Variants in SCHIP1 observed in about 807,000 individuals in gnomAD.
The protein encoded by SCHIP1 is schwannomin interacting protein 1, also known as schwannomin-interacting protein 1.
SCHIP1 carries 8 observed loss-of-function variants against 29.7 expected under a neutral mutation model. The observed-to-expected ratio is 0.27, with a 90% CI of 0.16 to 0.49. SCHIP1 has a LOEUF of 0.49. Among genes scored for constraint, SCHIP1 ranks in the 20% least tolerant of loss-of-function variants. SCHIP1 has a pLI of 0.99. For missense variants in SCHIP1, 193 were observed against 294.6 expected (o/e 0.66, Z 2.52); for synonymous variants, 76 against 94.9 (o/e 0.80, Z 1.16).
intron 3 of SCHIP1, chr3:159,887,460 A>G: frequency 2.3e-6 from 1 of 438,398 alleles, no homozygotes; most frequent in Non-Finnish European, 4.1e-6. Flanking sequence ...TCAAAGACAT[A>G]TTTCAAGGTT....
chr3:159,665,962 C>T, the SCHIP1 span, among the ~76,000 whole-genome samples: 8,914 of 152,224 alleles, frequency 0.059, 597 homozygotes, highest in African/African-American at 0.17. Flanking sequence ...CTTCCAGTCT[C>T]CATGCTACTC....
At chr3:159,375,785 A>G in the SCHIP1 span, 1 of 885,874 alleles carries the variant, frequency 1.1e-6, no homozygotes, top group African/African-American at 1.8e-5. Flanking sequence ...TAAAACTAGG[A>G]TGGGTTTTTG....
At chr3:159,767,014 G>A in the SCHIP1 span, among the ~76,000 whole-genome samples, 1 of 152,102 alleles carries the variant, frequency 6.6e-6, no homozygotes, top group Non-Finnish European at 1.5e-5. Context: ...AGCTTTCCTG[G>A]AAATGCCCCT....
At chr3:159,371,851 C>A in the SCHIP1 span, among the ~76,000 whole-genome samples, 4 of 152,106 alleles carry the variant, frequency 2.6e-5, no homozygotes, top group African/African-American at 9.7e-5. Context: ...ATGTTCCATA[C>A]AGATGCAATT....
chr3:159,334,933 C>T, the SCHIP1 span, among the ~76,000 whole-genome samples: 1 of 149,652 alleles, frequency 6.7e-6, no homozygotes, highest in Admixed American at 6.7e-5. Flanking sequence ...CCGAGTATTG[C>T]TCTGTCACCC....
At chr3:159,524,378 T>G in the SCHIP1 span, among the ~76,000 whole-genome samples, 125 of 152,318 alleles carry the variant, frequency 8.2e-4, 1 homozygote, top group South Asian at 2.7e-3. Context: ...TTTGATGCAT[T>G]CTTATCAAGC....
the SCHIP1 span, among the ~76,000 whole-genome samples, chr3:159,448,328 A>G: frequency 6.6e-6 from 1 of 152,070 alleles, no homozygotes; most frequent in Non-Finnish European, 1.5e-5. Flanking sequence ...AAAATTAGCC[A>G]GGTGTGGTGG....
At chr3:159,884,349 C>G (rs9840149) in intron 2 of SCHIP1, among the ~76,000 whole-genome samples, 34 of 140,644 alleles carry the variant, frequency 2.4e-4, no homozygotes, top group East Asian at 6.3e-4. Context: ...GTGTCTGTGT[C>G]TGTGTGTGTG....
the SCHIP1 span, among the ~76,000 whole-genome samples, chr3:159,643,747 A>G: frequency 6.6e-6 from 1 of 152,040 alleles, no homozygotes; most frequent in Admixed American, 6.6e-5. Flanking sequence ...ATTTTTTCCT[A>G]TGATCCACCT....
the SCHIP1 span, among the ~76,000 whole-genome samples, chr3:159,368,359 C>T: frequency 1.3e-5 from 2 of 152,168 alleles, no homozygotes; most frequent in Non-Finnish European, 2.9e-5. Flanking sequence ...CCACCTCCAC[C>T]ACATTTATTC....
At chr3:159,582,854 AT>A in the SCHIP1 span, among the ~76,000 whole-genome samples, 1 of 151,914 alleles carries the variant, frequency 6.6e-6, no homozygotes, top group African/African-American at 2.4e-5. Flanking sequence ...ACTCATGGAA[AT>A]TAATTCAGGA....
At chr3:159,389,375 T>C in the SCHIP1 span, among the ~76,000 whole-genome samples, 1 of 152,150 alleles carries the variant, frequency 6.6e-6, no homozygotes, top group Non-Finnish European at 1.5e-5. Context: ...GATGAAAGTT[T>C]TAAAGACTCA....
chr3:159,543,033 GTA>G, the SCHIP1 span, among the ~76,000 whole-genome samples: 16 of 149,920 alleles, frequency 1.1e-4, 1 homozygote, highest in Admixed American at 1.1e-3. Flanking sequence ...GTGTGTATGT[GTA>G]TATATATATA....
At chr3:159,856,572 G>A (rs555588362) in intron 1 of SCHIP1, among the ~76,000 whole-genome samples, 9 of 152,342 alleles carry the variant, frequency 5.9e-5, no homozygotes, top group African/African-American at 1.4e-4. Flanking sequence ...CCAGAGCAGA[G>A]AAAATGCAGG....
At chr3:159,683,530 T>A in the SCHIP1 span, among the ~76,000 whole-genome samples, 1 of 152,128 alleles carries the variant, frequency 6.6e-6, no homozygotes, top group South Asian at 2.1e-4. Flanking sequence ...CTCCTTTCGA[T>A]CACCTCATTC....
the SCHIP1 span, among the ~76,000 whole-genome samples, chr3:159,341,165 C>T: frequency 6.6e-6 from 1 of 151,344 alleles, no homozygotes; most frequent in African/African-American, 2.4e-5. Context: ...CCCTTGCTTT[C>T]TGCACTTGGG....
the SCHIP1 span, among the ~76,000 whole-genome samples, chr3:159,376,724 C>T: frequency 6.6e-6 from 1 of 152,082 alleles, no homozygotes; most frequent in South Asian, 2.1e-4. Context: ...CAGGCCTGTC[C>T]TACTCCAGTA....
At chr3:159,689,097 A>G in the SCHIP1 span, among the ~76,000 whole-genome samples, 1 of 152,204 alleles carries the variant, frequency 6.6e-6, no homozygotes. Flanking sequence ...TTTTGGTTCC[A>G]TATGAAATTT....
At chr3:159,759,429 T>C in the SCHIP1 span, among the ~76,000 whole-genome samples, 5 of 152,258 alleles carry the variant, frequency 3.3e-5, no homozygotes, top group Non-Finnish European at 7.3e-5. Flanking sequence ...GACATTTTTA[T>C]ACTATATTTC....
Sources: allele counts gnomAD v4.1 joint callset (sites outside exome capture counted in the v4.1 genomes callset), GRCh38; gene constraint gnomAD v4.1.1; transcripts MANE v1.5; gene names NCBI Gene and HGNC (gene_info 2026-07-23, HGNC 2026-07-21).